The following DNMBP variants were observed in gnomAD, a reference collection of about 807,000 sequenced individuals.
The protein encoded by DNMBP is dynamin binding protein, also known as dynamin-binding protein.
A neutral mutation model predicts 150.0 loss-of-function variants in DNMBP; 87 were observed. The ratio of observed to expected loss-of-function variants is 0.58; its 90% CI spans 0.49 to 0.69. The LOEUF (loss-of-function observed/expected upper bound fraction) is 0.69, where lower values mean the gene tolerates loss of function less well. DNMBP is among the 30% of genes least tolerant of loss of function. DNMBP has a pLI of 0.00. For synonymous variants in DNMBP, 711 were observed against 750.4 expected, an observed-to-expected ratio of 0.95 and a Z score of 0.86; for missense variants, 1,774 against 1,949.0, an observed-to-expected ratio of 0.91 and a Z score of 1.69.
intron 9 of DNMBP, among the ~76,000 whole-genome samples, chr10:99,896,825 T>C (rs988518831): frequency 6.6e-6 from 1 of 152,246 alleles, no homozygotes; most frequent in African/African-American, 2.4e-5. Context: ...AGTAAAATGC[T>C]ATACAGCAGT....
intron 4 of DNMBP, among the ~76,000 whole-genome samples, chr10:99,943,803 T>C (rs1412990882): frequency 6.6e-6 from 1 of 152,222 alleles, no homozygotes; most frequent in African/African-American, 2.4e-5. Context: ...TAAAAATCTG[T>C]CTAGAATATT....
At chr10:99,998,032 A>G (rs564223301) in intron 1 of DNMBP, among the ~76,000 whole-genome samples, 130 of 151,082 alleles carry the variant, frequency 8.6e-4, no homozygotes, top group African/African-American at 1.4e-3. Context: ...TCAGGAGATC[A>G]AGACCATCCT....
chr10:99,952,985 G>A (rs2040441087), intron 4 of DNMBP, among the ~76,000 whole-genome samples: 1 of 152,018 alleles, frequency 6.6e-6, no homozygotes, highest in Admixed American at 6.6e-5. Context: ...CAAATCTCTG[G>A]TACACAAGCC....
At chr10:99,967,700 G>T (rs76072367) in intron 3 of DNMBP, among the ~76,000 whole-genome samples, 5,116 of 114,642 alleles carry the variant, frequency 0.045, 138 homozygotes, top group African/African-American at 0.091. Context: ...TGTGTGTGTG[G>T]GTATGTGTGT....
At chr10:99,975,045 C>A (rs2040714395) in intron 1 of DNMBP, among the ~76,000 whole-genome samples, 1 of 152,168 alleles carries the variant, frequency 6.6e-6, no homozygotes, top group Admixed American at 6.5e-5. Flanking sequence ...CAGGGAGAAG[C>A]CACCATACCT....
intron 12 of DNMBP, among the ~76,000 whole-genome samples, chr10:99,888,311 A>G (rs2039502619): frequency 6.6e-6 from 1 of 151,738 alleles, no homozygotes; most frequent in African/African-American, 2.4e-5. Flanking sequence ...CCTGGGTTCA[A>G]GCTATTCTCC....
chr10:99,913,938 C>T, intron 4 of DNMBP: 2 of 1,316,378 alleles, frequency 1.5e-6, no homozygotes, highest in Non-Finnish European at 9.8e-7. Flanking sequence ...CTGGCTCCCA[C>T]ACCCCAGGAC....
At chr10:99,934,071 G>T (rs1238660422) in intron 4 of DNMBP, among the ~76,000 whole-genome samples, 1 of 152,090 alleles carries the variant, frequency 6.6e-6, no homozygotes, top group South Asian at 2.1e-4. Context: ...CTGACCAAGG[G>T]ATAGGGAATC....
In DNMBP at chr10:99,980,045, C is replaced by T. The variant is rs542378537; in HGVS notation, c.-10-7911G>A. Reference sequence around the variant, plus strand: ...CATGTCTTAAGTCCTGCAGCCCTTGCTCTTATATCAACCATCTTGCAGATT... The same window carrying T: ...CATGTCTTAAGTCCTGCAGCCCTTGTTCTTATATCAACCATCTTGCAGATT... On this transcript the variant is annotated intron_variant, in intron 1 of 16. Transcript: ENST00000324109. 6.6e-5 allele frequency among the ~76,000 whole-genome samples: 10 copies of T among 152,318 alleles called. No individual in the cohort carries two copies. In the South Asian group the frequency reaches 1.4e-3, roughly 22 times the overall value.
At chr10:99,896,589 AG>A in intron 9 of DNMBP, 192 bp from the exon 10 acceptor site, 1 of 576,474 alleles carries the variant, frequency 1.7e-6, no homozygotes, top group South Asian at 2.2e-5. Context: ...GGCAGCCAGG[AG>A]AGGGGCCAGA....
intron 4 of DNMBP, among the ~76,000 whole-genome samples, chr10:99,922,995 T>C (rs767359638): frequency 1.3e-4 from 20 of 152,218 alleles, no homozygotes; most frequent in Non-Finnish European, 2.6e-4. Context: ...TGACATCTCC[T>C]GTAATCCCAG....
chr10:99,884,729 C>T (rs558491236), intron 14 of DNMBP, among the ~76,000 whole-genome samples: 10 of 151,886 alleles, frequency 6.6e-5, no homozygotes, highest in East Asian at 1.9e-4. Context: ...GTCAACATAG[C>T]GAAACCCTGT....
In DNMBP at chr10:99,884,019, T is replaced by A; in HGVS notation, c.3989A>T (p.Asp1330Val). 1 of 1,614,004 alleles carries A rather than the reference T, an allele frequency of 6.2e-7. No homozygotes were observed. The highest frequency in any genetic ancestry group is 8.5e-7 in the Non-Finnish European group (1 of 1,179,950). Reference protein sequence around the residue: ...PMGSQNRWLIDNGVTKGFVYS... With the variant: ...PMGSQNRWLIVNGVTKGFVYS... ...CTGCTTAAAATTCTTACCTCCATTG[T>A]CAATCAGCCAGCGGTTCTGGCTGCC... The change falls in exon 15 of 17, where the codon GAC (aspartate) becomes GTC (valine). Residue 1330 changes from aspartate to valine, a missense_variant. By Grantham distance (152) the Asp-to-Val change is radical (BLOSUM62 -3). Around this residue, in one of 2 missense-constraint regions of DNMBP, gnomAD observed 1,430 missense variants for 1,492.5 expected, o/e 0.96. Coordinates refer to ENST00000324109, the MANE Select transcript of DNMBP (RefSeq NM_015221.4).
At chr10:99,894,867 A>T in intron 11 of DNMBP, 79 bp downstream of exon 11, 1 of 1,133,476 alleles carries the variant, frequency 8.8e-7, no homozygotes, top group Non-Finnish European at 1.3e-6. Context: ...AGCATTCATT[A>T]AACAATATGA....
chr10:99,908,094 C>T lies in DNMBP; in HGVS notation c.2455G>A (p.Val819Ile), dbSNP rs111579328. Residue 819 changes from valine (V) to isoleucine (I), a missense_variant and splice_region_variant, in exon 6 of 17, where the codon GTA becomes ATA. This residue lies in a region of DNMBP where 1,430 missense variants were observed against 1,492.5 expected (regional missense o/e 0.96). Transcript: ENST00000324109. ...AGTCCCTCAAAATCAATGTTTGGTA[C>T]CTGAGAAAAGGAAACAAAACATAAA... ...RIMVPMQQAQ[V>I]PNIDFEGLFG... 2 of 1,608,612 alleles carry T rather than the reference C, an allele frequency of 1.2e-6. No individual in the cohort carries two copies. Among genetic ancestry groups the T allele is most frequent in the South Asian group, 1.1e-5 (1 of 90,902 alleles).
rs112475945 is a variant in DNMBP, at chr10:99,902,256, T to G, written c.2555-2190A>C. 8.2e-3 allele frequency among the ~76,000 whole-genome samples: 1,251 copies of G among 151,684 alleles called. 22 individuals carry two copies. Among genetic ancestry groups the G allele is most frequent in the African/African-American group, 0.028 (1,138 of 41,260 alleles). ...TCCTTTCTGTAAGAGAAACTTAACTTTTTTCATATCACCTCACACTGCCCT... is the reference window on the plus strand; with the variant it reads ...TCCTTTCTGTAAGAGAAACTTAACTGTTTTCATATCACCTCACACTGCCCT... On this transcript the variant is annotated intron_variant, in intron 6 of 16. Coordinates refer to ENST00000324109, the MANE Select transcript of DNMBP (RefSeq NM_015221.4).
chr10:99,903,161 G>A (rs2039771901), intron 6 of DNMBP, among the ~76,000 whole-genome samples: 1 of 142,008 alleles, frequency 7.0e-6, no homozygotes, highest in African/African-American at 2.6e-5. Flanking sequence ...GGCTGGGCTT[G>A]AACTCCTGGC....
intron 1 of DNMBP, among the ~76,000 whole-genome samples, chr10:100,009,594 C>G (rs1263238006): frequency 3.9e-5 from 6 of 152,170 alleles, no homozygotes; most frequent in Admixed American, 3.9e-4. Context: ...TCTGACCACC[C>G]CTCCAACTCC....
intron 4 of DNMBP, among the ~76,000 whole-genome samples, chr10:99,909,937 G>GTATCTA (rs2039880128): frequency 6.6e-6 from 1 of 152,040 alleles, no homozygotes; most frequent in Non-Finnish European, 1.5e-5. Context: ...TACACAGGAT[G>GTATCTA]AGAGAGTTAT....
Sources: gnomAD v4.1 joint callset for allele counts (sites outside exome capture counted in the v4.1 genomes callset) on GRCh38, gnomAD v4.1.1 for gene constraint, gnomAD v4.1.1 regional missense constraint, MANE v1.5 for transcripts, NCBI Gene and HGNC (gene_info 2026-07-23, HGNC 2026-07-21) for gene names.